Variants in MTFR1 observed in about 807,000 individuals in gnomAD.
MTFR1 encodes the protein mitochondrial fission regulator 1, also known as chondrocyte protein with a poly-proline region.
Under a neutral mutation model 38.8 loss-of-function variants are expected in MTFR1, and 28 were observed. The observed-to-expected ratio is 0.72, with a 90% CI of 0.53 to 0.99. MTFR1 has a LOEUF of 0.99. Among genes scored for constraint, MTFR1 ranks in the 50% least tolerant of loss-of-function variants. The pLI is 0.00. For synonymous variants in MTFR1, 145 were observed against 137.0 expected, an observed-to-expected ratio of 1.06 and a Z score of -0.41; for missense variants, 358 against 395.5, an observed-to-expected ratio of 0.91 and a Z score of 0.81.
intron 4 of MTFR1, among the ~76,000 whole-genome samples, chr8:65,697,917 A>G (rs1028555940): frequency 6.6e-6 from 1 of 152,112 alleles, no homozygotes; most frequent in Non-Finnish European, 1.5e-5. Flanking sequence ...TGTCACATAT[A>G]TGGTTTATAA....
chr8:65,733,690 C>G (rs1208102302), intron 3 of MTFR1, among the ~76,000 whole-genome samples: 1 of 152,094 alleles, frequency 6.6e-6, no homozygotes, highest in Non-Finnish European at 1.5e-5. Flanking sequence ...AATGTATGCA[C>G]TGTATTACTG....
At chr8:65,665,449 T>C (rs1343690907) in intron 1 of MTFR1, among the ~76,000 whole-genome samples, 2 of 152,180 alleles carry the variant, frequency 1.3e-5, no homozygotes, top group Admixed American at 6.5e-5. Flanking sequence ...TTTTTAGTAA[T>C]CAATAAATAT....
chr8:65,707,959 T>C lies in MTFR1; in HGVS notation c.881T>C (p.Val294Ala), dbSNP rs1212820213. 6 of 1,613,756 alleles carry C rather than the reference T, an allele frequency of 3.7e-6. No homozygotes were observed. Among genetic ancestry groups the C allele is most frequent in the South Asian group, 2.2e-5 (2 of 91,088 alleles). ...TATCGAAGTGATAGCCAAGATGAAG[T>C]TGAAAAAGGAATTCCAAAGTCTGAA... ...YRYRSDSQDE[V>A]EKGIPKSESE... The change falls in exon 7 of 8, where the codon GTT (valine) becomes GCT (alanine). Residue 294 changes from valine to alanine, a missense_variant. By Grantham distance (64) the Val-to-Ala change is moderately conservative. Transcript: ENST00000262146.
chr8:65,696,724 AG>A (rs1267358350), intron 4 of MTFR1, among the ~76,000 whole-genome samples: 1 of 147,660 alleles, frequency 6.8e-6, no homozygotes, highest in Admixed American at 6.8e-5. Flanking sequence ...GCGGGGATGC[AG>A]TCTTGGCTTA....
intron 4 of MTFR1, among the ~76,000 whole-genome samples, chr8:65,703,350 C>T (rs771088539): frequency 3.7e-4 from 52 of 139,822 alleles, no homozygotes; most frequent in South Asian, 1.4e-3. Flanking sequence ...GATCCTGTCT[C>T]AAAAAGAGAA....
chr8:65,670,083 A>G, intron 2 of MTFR1, 65 bp downstream of exon 2: 1 of 1,364,344 alleles, frequency 7.3e-7, no homozygotes, highest in Non-Finnish European at 1.0e-6. Context: ...TTTTCTGAGA[A>G]AATGAAATAA....
chr8:65,773,284 AC>A (rs1809164610), downstream of MTFR1, among the ~76,000 whole-genome samples: 4 of 152,150 alleles, frequency 2.6e-5, no homozygotes, highest in South Asian at 8.3e-4. Context: ...ATTAAAAAAA[AC>A]TCCTCTAAAT....
intron 3 of MTFR1, among the ~76,000 whole-genome samples, chr8:65,744,550 T>TC (rs1312948908): frequency 1.3e-5 from 2 of 152,090 alleles, no homozygotes; most frequent in Admixed American, 6.5e-5. Flanking sequence ...GTGGGCATTT[T>TC]CCCCCAAACC....
chr8:65,653,466 C>T (rs1282576298), intron 1 of MTFR1, among the ~76,000 whole-genome samples: 2 of 151,978 alleles, frequency 1.3e-5, no homozygotes, highest in Non-Finnish European at 2.9e-5. Context: ...TAGCTGTTAT[C>T]GTGCCACTGC....
intron 2 of MTFR1, among the ~76,000 whole-genome samples, chr8:65,672,309 C>T (rs963515727): frequency 4.1e-4 from 62 of 152,162 alleles, no homozygotes; most frequent in African/African-American, 1.5e-3. Context: ...TATTTTTTAG[C>T]TTGTTGCCTA....
chr8:65,717,414 A>G (rs1806185845), intron 2 of MTFR1: 1 of 152,210 alleles, frequency 6.6e-6, no homozygotes, highest in Non-Finnish European at 1.5e-5. Flanking sequence ...TACTTGCAAG[A>G]CTTGCTGATG....
At chr8:65,663,258 T>C (rs138439982) in intron 1 of MTFR1, among the ~76,000 whole-genome samples, 2,802 of 152,248 alleles carry the variant, frequency 0.018, 25 homozygotes, top group African/African-American at 0.025. Flanking sequence ...CTGAAACATA[T>C]GCTGTGTCCA....
chr8:65,756,332 A>G (rs1249762297), intron 3 of MTFR1, among the ~76,000 whole-genome samples: 2 of 152,082 alleles, frequency 1.3e-5, no homozygotes, highest in East Asian at 1.9e-4. Flanking sequence ...ATTTTTTCAA[A>G]TATTTTTTTC....
chr8:65,645,697 C>G (rs945118655), intron 1 of MTFR1, among the ~76,000 whole-genome samples: 6 of 129,474 alleles, frequency 4.6e-5, no homozygotes, highest in Non-Finnish European at 8.1e-5. Context: ...GGCTTTCCCC[C>G]CCCCCCCCCT....
chr8:65,742,001 G>A lies in MTFR1; in HGVS notation c.*48+22520G>A, dbSNP rs368583704. On this transcript the variant is annotated intron_variant, in intron 3 of 3. Transcript: ENST00000521247. ...TGTACTACCCATATGTAATTGAAAA[G>A]CTGCATGCAAGATACCAACTGAGGA... Among the ~76,000 whole-genome samples the A allele has an allele frequency of 2.6e-5, 4 of 152,262 alleles. No individual in the cohort carries two copies. In the South Asian group the frequency reaches 8.3e-4, roughly 32 times the overall value.
chr8:65,725,903 A>G (rs535061586), intron 3 of MTFR1, among the ~76,000 whole-genome samples: 1 of 152,266 alleles, frequency 6.6e-6, no homozygotes, highest in Non-Finnish European at 1.5e-5. Flanking sequence ...TGTTTAAGCA[A>G]TTTTCGTATT....
intron 3 of MTFR1, chr8:65,724,993 C>A: frequency 1.0e-6 from 1 of 998,134 alleles, no homozygotes. Flanking sequence ...TTTTCTTAAC[C>A]ATAATAATCG....
At chr8:65,661,801 T>C (rs1433675229) in intron 1 of MTFR1, among the ~76,000 whole-genome samples, 1 of 151,798 alleles carries the variant, frequency 6.6e-6, no homozygotes, top group African/African-American at 2.4e-5. Flanking sequence ...CCATCTTTAC[T>C]AAAAATATCA....
intron 3 of MTFR1, chr8:65,731,646 A>G (rs765594488): frequency 9.9e-5 from 15 of 151,336 alleles, no homozygotes; most frequent in Non-Finnish European, 1.8e-4. Flanking sequence ...AGGACATAAA[A>G]AATAAATACT....
Sources: gnomAD v4.1 joint callset for allele counts (sites outside exome capture counted in the v4.1 genomes callset) on GRCh38, gnomAD v4.1.1 for gene constraint, MANE v1.5 for transcripts, NCBI Gene and HGNC (gene_info 2026-07-23, HGNC 2026-07-21) for gene names.